The following AOAH variants were observed in gnomAD, a reference collection of about 807,000 sequenced individuals.
AOAH encodes acyloxyacyl hydrolase (neutrophil).
A neutral mutation model predicts 92.2 loss-of-function variants in AOAH; 64 were observed. The observed-to-expected ratio is 0.69, with a 90% CI of 0.57 to 0.86. AOAH has a LOEUF of 0.86. Among genes scored for constraint, AOAH ranks in the 40% least tolerant of loss-of-function variants. The probability of loss-of-function intolerance (pLI) is 0.00; values close to 1 mark genes in which losing one functional copy is unlikely to be tolerated. For missense variants in AOAH, 656 were observed against 694.6 expected, an observed-to-expected ratio of 0.94 and a Z score of 0.62; for synonymous variants, 263 against 254.5, an observed-to-expected ratio of 1.03 and a Z score of -0.32.
intron 1 of AOAH, among the ~76,000 whole-genome samples, chr7:36,708,931 G>A (rs1048105283): frequency 2.6e-5 from 4 of 152,100 alleles, no homozygotes; most frequent in Admixed American, 6.6e-5. Context: ...TCTGTTGATC[G>A]ATCCACGTGT....
intron 5 of AOAH, 129 bp from the exon 6 acceptor site, chr7:36,632,235 T>C (rs768499333): frequency 6.8e-6 from 5 of 736,336 alleles, no homozygotes; most frequent in Non-Finnish European, 1.1e-5. Flanking sequence ...ATTTCACCTC[T>C]CTAAATTTAC....
chr7:36,691,840 A>G (rs1233660738), intron 1 of AOAH, among the ~76,000 whole-genome samples: 1 of 152,214 alleles, frequency 6.6e-6, no homozygotes, highest in African/African-American at 2.4e-5. Flanking sequence ...TGAGTCCTCC[A>G]ACAGCTTTTC....
At position 36,618,324 on chromosome 7, in the gene AOAH, C is replaced by T. The variant is rs745447415; in HGVS notation, c.724G>A (p.Val242Ile). ...TCACAGAATTTCTTCTCATATGGAA[C>T]TCCATCTTTTGGATCGACACCCTTT... ...GIWGVDPKDGVPYEKKFCEGS... is the reference protein window; with the variant it reads ...GIWGVDPKDGIPYEKKFCEGS... The change falls in exon 10 of 21, where the codon GTT becomes ATT. Residue 242 changes from valine to isoleucine, a missense_variant. Physicochemically the swap from Val to Ile is conservative, Grantham distance 29. Coordinates refer to ENST00000617537, the MANE Select transcript of AOAH (RefSeq NM_001637.4). The T allele has an allele frequency of 6.2e-7, 1 of 1,614,064 alleles. No individual in the cohort carries two copies. The highest frequency in any genetic ancestry group is 8.5e-7 in the Non-Finnish European group (1 of 1,179,956).
At chr7:36,647,612 T>C (rs1794301227) in intron 4 of AOAH, among the ~76,000 whole-genome samples, 1 of 152,232 alleles carries the variant, frequency 6.6e-6, no homozygotes, top group Admixed American at 6.5e-5. Flanking sequence ...TTATTTTTGC[T>C]GTTCTTTGAA....
At chr7:36,600,964 ATG>A (rs1371281792) in intron 11 of AOAH, among the ~76,000 whole-genome samples, 6 of 152,102 alleles carry the variant, frequency 3.9e-5, no homozygotes, top group Non-Finnish European at 8.8e-5. Flanking sequence ...CTGAAACCAT[ATG>A]TGACCCTACA....
In AOAH at chr7:36,513,169, G is replaced by A. The variant is rs781761166; in HGVS notation, c.*83C>T. On this transcript the variant is annotated 3_prime_UTR_variant, in exon 21 of 21. Coordinates refer to ENST00000617537, the MANE Select transcript of AOAH (RefSeq NM_001637.4). ...AAGAGTCCTTTGGGCCTGTGACGTG[G>A]CAGCCCCCATAGGGTTTGTGGAATG... is the stretch of plus-strand genomic sequence containing the variant. 3 of 1,613,526 alleles carry A rather than the reference G, an allele frequency of 1.9e-6. No individual in the cohort carries two copies. Among genetic ancestry groups the A allele is most frequent in the Non-Finnish European group, 8.5e-7 (1 of 1,180,012 alleles).
chr7:36,656,305 C>T (rs1393312219), intron 4 of AOAH, among the ~76,000 whole-genome samples: 2 of 152,314 alleles, frequency 1.3e-5, no homozygotes, highest in Admixed American at 6.5e-5. Context: ...TTTGATACGA[C>T]ATTCAAGGAT....
chr7:36,723,378 C>A (rs1298371698), intron 1 of AOAH, among the ~76,000 whole-genome samples: 1 of 152,178 alleles, frequency 6.6e-6, no homozygotes, highest in African/African-American at 2.4e-5. Context: ...TAAAACACTT[C>A]ATTAACAGAT....
intron 13 of AOAH, among the ~76,000 whole-genome samples, chr7:36,570,299 A>G (rs1788052319): frequency 6.6e-6 from 1 of 152,208 alleles, no homozygotes; most frequent in Admixed American, 6.5e-5. Flanking sequence ...TTCACTTAGC[A>G]TAATGTCCTC....
intron 13 of AOAH, among the ~76,000 whole-genome samples, chr7:36,551,076 C>CTTTTT (rs11373192): frequency 1.5e-5 from 2 of 136,946 alleles, no homozygotes; most frequent in African/African-American, 5.4e-5. Context: ...TCATTTCTTT[C>CTTTTT]TTTTTTTTTT....
rs886769501 is a variant in AOAH at position 36,516,621 on chromosome 7, C to A, written c.1600-3241G>T. On this transcript the variant is annotated intron_variant, in intron 20 of 20. Coordinates refer to ENST00000617537, the MANE Select transcript of AOAH (RefSeq NM_001637.4). This position sits in a 1 kb window ranked among gnomAD's most constrained non-coding sequence, Gnocchi z 5.0. ...CATCTCTCACACAAAGTGATCAGGA[C>A]CTTTGAAGACAGAGGCCCGGGCTTG... Among the ~76,000 whole-genome samples the A allele has an allele frequency of 2.0e-5, 3 of 152,204 alleles. No homozygotes were observed. Among genetic ancestry groups the A allele is most frequent in the African/African-American group, 7.2e-5 (3 of 41,446 alleles).
intron 11 of AOAH, chr7:36,600,001 T>G (rs1266050377): frequency 6.6e-6 from 1 of 152,404 alleles, no homozygotes; most frequent in Non-Finnish European, 1.5e-5. Context: ...GACTCCCATT[T>G]CTGTAGCCTC....
intron 5 of AOAH, among the ~76,000 whole-genome samples, chr7:36,634,879 C>CTGTT (rs1325784506): frequency 1.5e-4 from 23 of 152,288 alleles, no homozygotes; most frequent in African/African-American, 5.3e-4. Context: ...AATTGCACAG[C>CTGTT]TGTTTGCTGT....
In AOAH at chr7:36,628,781, G is replaced by A. The variant is rs145517734; in HGVS notation, c.521+3255C>T. ...GCATTCCTCCTGGGGGAATTTTATC[G>A]AAGGAATATGCCACAGAAGACACGC... On this transcript the variant is annotated intron_variant, in intron 6 of 20. Transcript: ENST00000617537. Among the ~76,000 whole-genome samples the A allele has an allele frequency of 2.3e-3, 352 of 152,324 alleles. 1 individual carries two copies. The highest frequency in any genetic ancestry group is 7.4e-3 in the African/African-American group (307 of 41,576).
At chr7:36,707,304 C>A (rs1453470337) in intron 1 of AOAH, among the ~76,000 whole-genome samples, 1 of 152,038 alleles carries the variant, frequency 6.6e-6, no homozygotes, top group Non-Finnish European at 1.5e-5. Context: ...AGTCAGAACA[C>A]ACACATTTAT....
intron 2 of AOAH, among the ~76,000 whole-genome samples, chr7:36,681,391 A>C (rs1796632829): frequency 6.6e-6 from 1 of 152,194 alleles, no homozygotes. Context: ...ATAGATCTTA[A>C]AATCATGTTG....
chr7:36,700,032 G>A lies in AOAH; in HGVS notation c.128-13238C>T, dbSNP rs1021662360. Among the ~76,000 whole-genome samples the A allele has an allele frequency of 8.6e-5, 13 of 152,008 alleles. 1 individual carries two copies. The highest frequency in any genetic ancestry group is 5.8e-4 in the East Asian group (3 of 5,182). ...ATGCACGTGGCTATCCAGTTTTCTCGTAACACATATTGAAGAGACTGTTCT... is the reference window on the plus strand; with the variant it reads ...ATGCACGTGGCTATCCAGTTTTCTCATAACACATATTGAAGAGACTGTTCT... On this transcript the variant is annotated intron_variant, in intron 1 of 20. Transcript: ENST00000617537.
chr7:36,609,185 A>C (rs2115832357), intron 11 of AOAH, among the ~76,000 whole-genome samples: 1 of 151,998 alleles, frequency 6.6e-6, no homozygotes, highest in East Asian at 1.9e-4. Context: ...TTGATTCCAG[A>C]CTTCTGAGTT....
chr7:36,582,477 C>T (rs73344641), intron 12 of AOAH, among the ~76,000 whole-genome samples: 11 of 152,246 alleles, frequency 7.2e-5, no homozygotes, highest in African/African-American at 2.6e-4. Flanking sequence ...ATTTCTAGCA[C>T]CGTAATTCAA....
Sources: gnomAD v4.1 joint callset for allele counts (sites outside exome capture counted in the v4.1 genomes callset) on GRCh38, gnomAD v4.1.1 for gene constraint, Gnocchi (gnomAD v3.1) non-coding constraint, MANE v1.5 for transcripts, NCBI Gene and HGNC (gene_info 2026-07-23, HGNC 2026-07-21) for gene names.